The following ARHGAP26 variants were observed in gnomAD, a reference collection of about 807,000 sequenced individuals.
ARHGAP26 encodes the protein rho GTPase-activating protein 26.
ARHGAP26 carries 38 observed loss-of-function variants against 104.8 expected under a neutral mutation model. The observed-to-expected ratio is 0.36, with a 90% CI of 0.28 to 0.48. The LOEUF (loss-of-function observed/expected upper bound fraction) is 0.48. Among genes scored for constraint, ARHGAP26 ranks in the 20% least tolerant of loss-of-function variants. ARHGAP26 has a pLI of 0.99. For missense variants in ARHGAP26, 704 were observed against 947.9 expected (o/e 0.74, Z 3.38); for synonymous variants, 341 against 340.0 (o/e 1.00, Z -0.03).
At chr5:142,897,591 C>T (rs187621100) in intron 6 of ARHGAP26, among the ~76,000 whole-genome samples, 30 of 152,288 alleles carry the variant, frequency 2.0e-4, no homozygotes, top group East Asian at 1.2e-3. Flanking sequence ...AAACCTTCCC[C>T]GTGATTCAGC....
intron 20 of ARHGAP26, among the ~76,000 whole-genome samples, chr5:143,151,568 G>T (rs529146216): frequency 5.3e-5 from 8 of 152,284 alleles, no homozygotes; most frequent in Admixed American, 3.3e-4. Flanking sequence ...TATGGTGCAC[G>T]CAGACAATGC....
chr5:142,967,643 G>A (rs1380695963), intron 11 of ARHGAP26, among the ~76,000 whole-genome samples: 3 of 152,168 alleles, frequency 2.0e-5, no homozygotes, highest in Non-Finnish European at 4.4e-5. Context: ...TTCTATTGAT[G>A]TGCCAATCTA....
rs1313923351 is a variant in ARHGAP26, at chr5:143,224,885, C to G, written c.*2439C>G. 1 of 225,998 alleles carries G rather than the reference C, an allele frequency of 4.4e-6. No individual in the cohort carries two copies. The highest frequency in any genetic ancestry group is 5.7e-5 in the Admixed American group (1 of 17,522). The allele number at this position is 225,998 out of a possible 1,614,324, so 14.0% of individuals were successfully genotyped here. ...GGGTTTGTCATGGTGATTCACTACT[C>G]AGTTTATCAGCTCAAGGATTATACA... On this transcript the variant is annotated 3_prime_UTR_variant, in exon 23 of 23. Transcript: ENST00000645722.
At chr5:142,794,073 C>T (rs867169991) in intron 1 of ARHGAP26, among the ~76,000 whole-genome samples, 4 of 152,218 alleles carry the variant, frequency 2.6e-5, no homozygotes, top group African/African-American at 4.8e-5. Context: ...TCTCGTGACT[C>T]CAAAGGATAT....
At chr5:142,899,722 G>C (rs575030621) in intron 6 of ARHGAP26, among the ~76,000 whole-genome samples, 7 of 152,192 alleles carry the variant, frequency 4.6e-5, no homozygotes, top group Non-Finnish European at 7.4e-5. Flanking sequence ...TTGGGGGTGG[G>C]GGAGAGAAAA....
intron 9 of ARHGAP26, among the ~76,000 whole-genome samples, chr5:142,912,960 G>A (rs1348515966): frequency 2.0e-5 from 3 of 152,194 alleles, no homozygotes; most frequent in Non-Finnish European, 2.9e-5. Flanking sequence ...CAGATGCGGT[G>A]CCATCATGAT....
chr5:143,188,401 G>A (rs180741782), intron 20 of ARHGAP26, among the ~76,000 whole-genome samples: 69 of 152,302 alleles, frequency 4.5e-4, no homozygotes, highest in African/African-American at 1.5e-3. Context: ...GCTAATGTTA[G>A]GACTTGCCAT....
In ARHGAP26 at chr5:143,158,781, G is replaced by A. The variant is rs1391483730; in HGVS notation, c.1988+11400G>A. On this transcript the variant is annotated intron_variant, in intron 20 of 22. Transcript: ENST00000645722. ...TGTTGTCAAAAATACTCAGAAAAGG[G>A]ATAAAATAGCTGCATTACAGACTAC... Among the ~76,000 whole-genome samples the A allele has an allele frequency of 2.6e-5, 4 of 152,238 alleles. No individual in the cohort carries two copies. The East Asian group carries it at 7.7e-4, about 29-fold the overall frequency.
At chr5:142,833,661 G>A (rs252464) in intron 1 of ARHGAP26, among the ~76,000 whole-genome samples, 5,931 of 152,210 alleles carry the variant, frequency 0.039, 189 homozygotes, top group South Asian at 0.1. Flanking sequence ...TGATATTTGC[G>A]CTCTTTCTGT....
intron 1 of ARHGAP26, among the ~76,000 whole-genome samples, chr5:142,842,835 G>A (rs1771079035): frequency 1.3e-5 from 2 of 152,182 alleles, no homozygotes; most frequent in Admixed American, 1.3e-4. Flanking sequence ...AATGGCAGCT[G>A]TTACTGTGAA....
chr5:142,797,676 A>G (rs933342141), intron 1 of ARHGAP26, among the ~76,000 whole-genome samples: 3 of 152,180 alleles, frequency 2.0e-5, no homozygotes, highest in African/African-American at 7.2e-5. Flanking sequence ...CTCGTCTGTG[A>G]TTCCATTCTA....
intron 11 of ARHGAP26, among the ~76,000 whole-genome samples, chr5:142,990,283 G>A (rs1775394737): frequency 6.6e-6 from 1 of 152,190 alleles, no homozygotes; most frequent in Non-Finnish European, 1.5e-5. Flanking sequence ...TGTAGTTCTT[G>A]TGCCGTGGTT....
Position 143,012,544 on chromosome 5 carries a change from C to CATATATATATATATATATATAT in ARHGAP26, c.1108-1533_1108-1532insTATATATATATATATATATATA, listed in dbSNP as rs1562259165. On this transcript the variant is annotated intron_variant, in intron 11 of 22. Coordinates refer to ENST00000645722, the MANE Select transcript of ARHGAP26 (RefSeq NM_001135608.3). ...GTCACTGGAGGGATATATTTATATA[C>CATATATATATATATATATATAT]ATACATACATATATATATATATATA... 2.1e-4 allele frequency among the ~76,000 whole-genome samples: 9 copies of CATATATATATATATATATATAT among 43,084 alleles called. 1 individual carries two copies. The highest frequency in any genetic ancestry group is 3.2e-4 in the African/African-American group (5 of 15,842). The allele number at this position is 43,084 out of a possible 152,430, so 28.3% of individuals were successfully genotyped here.
chr5:143,097,917 G>A (rs888651921), intron 17 of ARHGAP26, among the ~76,000 whole-genome samples: 7 of 151,616 alleles, frequency 4.6e-5, no homozygotes, highest in African/African-American at 9.7e-5. Context: ...TGGTGACAAC[G>A]TTCAGTGGGA....
At chr5:143,130,281 T>C (rs915014279) in intron 18 of ARHGAP26, among the ~76,000 whole-genome samples, 2 of 152,238 alleles carry the variant, frequency 1.3e-5, no homozygotes, top group Admixed American at 6.5e-5. Flanking sequence ...CCCAGAGTTA[T>C]ATTTTTGTTT....
At chr5:142,947,084 A>AT (rs1767224413) in intron 11 of ARHGAP26, 1 of 107,362 alleles carries the variant, frequency 9.3e-6, no homozygotes, top group African/African-American at 4.1e-5. Flanking sequence ...CTACCTCTTT[A>AT]TTTTTAAAAG....
At chr5:142,929,950 G>A (rs1244913278) in intron 10 of ARHGAP26, among the ~76,000 whole-genome samples, 2 of 152,186 alleles carry the variant, frequency 1.3e-5, no homozygotes, top group African/African-American at 2.4e-5. Context: ...TAGGGATGGA[G>A]TGGACAGCCC....
chr5:142,927,178 A>G (rs1166195751), intron 10 of ARHGAP26, among the ~76,000 whole-genome samples: 8 of 152,170 alleles, frequency 5.3e-5, no homozygotes. Flanking sequence ...CTGAGGTGTA[A>G]TCACAGTAAA....
At chr5:142,947,859 A>G (rs1767402595) in intron 11 of ARHGAP26, among the ~76,000 whole-genome samples, 1 of 152,138 alleles carries the variant, frequency 6.6e-6, no homozygotes, top group African/African-American at 2.4e-5. Context: ...ATGTTCAATA[A>G]ATATTTATTA....
Sources: gnomAD v4.1 joint callset for allele counts (sites outside exome capture counted in the v4.1 genomes callset) on GRCh38, gnomAD v4.1.1 for gene constraint, MANE v1.5 for transcripts, NCBI Gene and HGNC (gene_info 2026-07-23, HGNC 2026-07-21) for gene names.